Variants in EFCAB6 observed in about 807,000 individuals in gnomAD.
EFCAB6 encodes EF-hand calcium-binding domain-containing protein 6.
Under a neutral mutation model 169.8 loss-of-function variants are expected in EFCAB6, and 156 were observed. The ratio of observed to expected loss-of-function variants is 0.92; its 90% CI spans 0.81 to 1.05. The LOEUF (loss-of-function observed/expected upper bound fraction) is 1.05. Among genes scored for constraint, EFCAB6 ranks in the 50% least tolerant of loss-of-function variants. The probability of loss-of-function intolerance (pLI) is 0.00; values close to 1 mark genes in which losing one functional copy is unlikely to be tolerated. For missense variants in EFCAB6, 1,800 were observed against 1,829.1 expected (o/e 0.98, Z 0.29); for synonymous variants, 698 against 676.4 (o/e 1.03, Z -0.50).
chr22:43,735,893 G>A lies in EFCAB6; in HGVS notation c.608C>T (p.Thr203Ile), dbSNP rs2060120338. The change falls in exon 7 of 32, where the codon ACC (threonine) becomes ATC (isoleucine). Residue 203 changes from threonine (T) to isoleucine (I), a missense_variant. Thr to Ile is a moderately conservative substitution (Grantham distance 89, BLOSUM62 -1). Transcript: ENST00000262726. ...RPQELRRVLE[T>I]FCMKLRDEEY... Reference sequence around the variant, plus strand: ...CTCGTCTCTTAACTTCATACAGAAGGTCTCCAGAACCCTTCTTAGCTCCTG... The same window carrying A: ...CTCGTCTCTTAACTTCATACAGAAGATCTCCAGAACCCTTCTTAGCTCCTG... 1 of 1,614,010 alleles carries A rather than the reference G, an allele frequency of 6.2e-7. No individual in the cohort carries two copies. The highest frequency in any genetic ancestry group is 1.3e-5 in the African/African-American group (1 of 75,014).
intron 6 of EFCAB6, among the ~76,000 whole-genome samples, chr22:43,748,426 G>A (rs1464715396): frequency 6.6e-6 from 1 of 152,032 alleles, no homozygotes. Flanking sequence ...CTCTCCTCAT[G>A]TCCTTTTCTT....
chr22:43,531,674 AT>A (rs149499591), intron 30 of EFCAB6, among the ~76,000 whole-genome samples: 2 of 150,192 alleles, frequency 1.3e-5, no homozygotes, highest in Non-Finnish European at 3.0e-5. Flanking sequence ...AGCTGCTTTC[AT>A]TTTTTTTTTA....
At chr22:43,681,746 T>C (rs2058013962) in intron 12 of EFCAB6, among the ~76,000 whole-genome samples, 2 of 152,224 alleles carry the variant, frequency 1.3e-5, no homozygotes, top group South Asian at 4.1e-4. Context: ...TTAATTCTAA[T>C]GTTTTCTGGG....
chr22:43,589,139 G>A (rs1381664882), intron 24 of EFCAB6, among the ~76,000 whole-genome samples: 1 of 151,808 alleles, frequency 6.6e-6, no homozygotes, highest in Non-Finnish European at 1.5e-5. Flanking sequence ...GACATTGGCC[G>A]GGTGTGGTGG....
rs556908541 is a variant in EFCAB6 at position 43,812,245 on chromosome 22, G to T, written c.-222C>A. ...GACCCCAAGCCGCGGGGTCTCAGAG[G>T]GGCTGCCCATTCGGCGTCTCTAGGA... On this transcript the variant is annotated 5_prime_UTR_variant, in exon 1 of 32. Transcript: ENST00000262726. 1 of 152,296 alleles carries T rather than the reference G, an allele frequency of 6.6e-6. No individual in the cohort carries two copies. Among genetic ancestry groups the T allele is most frequent in the East Asian group, 1.9e-4 (1 of 5,184 alleles). 9.4% of individuals were successfully genotyped at this position (152,296 alleles called of 1,614,324 possible). A position where few individuals can be genotyped will look rare whatever the true frequency, so the allele number is the denominator to read the frequency against.
intron 6 of EFCAB6, among the ~76,000 whole-genome samples, chr22:43,753,140 G>C (rs1406741438): frequency 6.6e-6 from 1 of 152,154 alleles, no homozygotes; most frequent in African/African-American, 2.4e-5. Flanking sequence ...GCAGAGGCAG[G>C]GTTTCAGCCC....
chr22:43,530,202 C>T (rs1223309466), intron 31 of EFCAB6, among the ~76,000 whole-genome samples: 1 of 152,254 alleles, frequency 6.6e-6, no homozygotes, highest in African/African-American at 2.4e-5. Context: ...ACAGAACCTG[C>T]CCTACTTCCT....
At chr22:43,658,557 G>A (rs1015634462) in intron 17 of EFCAB6, among the ~76,000 whole-genome samples, 3 of 152,178 alleles carry the variant, frequency 2.0e-5, no homozygotes, top group East Asian at 1.9e-4. Flanking sequence ...GCAGGGGATC[G>A]AAGCCCAGGG....
At chr22:43,735,106 C>T (rs2060083785) in intron 7 of EFCAB6, among the ~76,000 whole-genome samples, 1 of 152,130 alleles carries the variant, frequency 6.6e-6, no homozygotes, top group South Asian at 2.1e-4. Context: ...GACACGGGCC[C>T]ATCTTCCAGT....
chr22:43,747,701 C>G (rs2060615411), intron 6 of EFCAB6, among the ~76,000 whole-genome samples: 1 of 152,234 alleles, frequency 6.6e-6, no homozygotes, highest in East Asian at 1.9e-4. Context: ...TCTGTTCATT[C>G]ATGAATTCCT....
At chr22:43,530,296 T>C (rs12160409) in intron 31 of EFCAB6, among the ~76,000 whole-genome samples, 5 of 152,304 alleles carry the variant, frequency 3.3e-5, no homozygotes, top group South Asian at 2.1e-4. Flanking sequence ...TGAATGTGGA[T>C]TGGAAAACCA....
At chr22:43,544,715 C>CA (rs959336800) in intron 27 of EFCAB6, among the ~76,000 whole-genome samples, 76 of 147,480 alleles carry the variant, frequency 5.2e-4, no homozygotes, top group East Asian at 1.4e-3. Context: ...TAATACCCTT[C>CA]AAAAAAAAAA....
rs941089717 is a variant in EFCAB6 at position 43,744,889 on chromosome 22, G to A, written c.508-8896C>T. Among the ~76,000 whole-genome samples the A allele has an allele frequency of 6.6e-6, 1 of 152,110 alleles. No individual in the cohort carries two copies. Among genetic ancestry groups the A allele is most frequent in the African/African-American group, 2.4e-5 (1 of 41,410 alleles). On this transcript the variant is annotated intron_variant, in intron 6 of 31. Coordinates refer to ENST00000262726, the MANE Select transcript of EFCAB6 (RefSeq NM_022785.4). The surrounding 1 kb of genome is among the most constrained non-coding windows in gnomAD (Gnocchi z 4.3). ...AGGCCCTACCCACTCCAGGGCCCTC[G>A]GGCTTGGAGGAGCTGAGAAGGGCGT...
intron 23 of EFCAB6, among the ~76,000 whole-genome samples, chr22:43,591,005 A>G (rs2051475829): frequency 1.3e-5 from 2 of 151,424 alleles, no homozygotes; most frequent in African/African-American, 4.9e-5. Flanking sequence ...AGGCACTTTT[A>G]TTTTTAAGAA....
intron 17 of EFCAB6, among the ~76,000 whole-genome samples, chr22:43,656,696 G>A (rs1276382438): frequency 5.3e-5 from 8 of 151,990 alleles, no homozygotes; most frequent in Non-Finnish European, 1.2e-4. Context: ...TAGCTTAGGT[G>A]TGTAGGAGGC....
chr22:43,645,434 G>A (rs992508183), intron 17 of EFCAB6, among the ~76,000 whole-genome samples: 3 of 152,214 alleles, frequency 2.0e-5, no homozygotes, highest in Admixed American at 2.0e-4. Flanking sequence ...TCTAGTGATT[G>A]TTATTTAGAG....
chr22:43,617,821 C>A (rs116364806), intron 20 of EFCAB6, among the ~76,000 whole-genome samples: 1 of 151,978 alleles, frequency 6.6e-6, no homozygotes, highest in Admixed American at 6.6e-5. Context: ...ACAAGTGACT[C>A]GGCTGGGTGC....
At chr22:43,784,543 G>GTATATATACACATA (rs767229476) in intron 2 of EFCAB6, among the ~76,000 whole-genome samples, 2,013 of 75,416 alleles carry the variant, frequency 0.027, 135 homozygotes, top group African/African-American at 0.066. Flanking sequence ...GTGTGTGTGT[G>GTATATATACACATA]TATATGTATA....
intron 6 of EFCAB6, among the ~76,000 whole-genome samples, chr22:43,750,989 G>A (rs74734339): frequency 0.033 from 4,983 of 152,202 alleles, 174 homozygotes; most frequent in African/African-American, 0.086. Flanking sequence ...CAACAGACAC[G>A]CTTGTCACAG....
Sources: allele counts gnomAD v4.1 joint callset (sites outside exome capture counted in the v4.1 genomes callset), GRCh38; gene constraint gnomAD v4.1.1; non-coding constraint Gnocchi (gnomAD v3.1); transcripts MANE v1.5; gene names NCBI Gene and HGNC (gene_info 2026-07-23, HGNC 2026-07-21).